Variants in ADAMTSL3 observed in about 807,000 individuals in gnomAD.
ADAMTSL3 encodes ADAMTS like 3.
In ADAMTSL3, 128 loss-of-function variants were observed where a neutral mutation model predicts 201.7. That is an observed-to-expected ratio of 0.63 (90% CI 0.55 to 0.73). The LOEUF is 0.73. ADAMTSL3 is among the 30% of genes least tolerant of loss of function. The pLI is 0.00. For synonymous variants in ADAMTSL3, 738 were observed against 748.4 expected (o/e 0.99, Z 0.23); for missense variants, 1,990 against 2,119.6 (o/e 0.94, Z 1.20).
intron 5 of ADAMTSL3, among the ~76,000 whole-genome samples, chr15:83,813,624 G>C (rs1335329687): frequency 6.6e-6 from 1 of 152,144 alleles, no homozygotes; most frequent in African/African-American, 2.4e-5. Flanking sequence ...TCAGACTTTG[G>C]TTCAGTGGCT....
chr15:83,960,894 A>G (rs1231652212), intron 19 of ADAMTSL3, among the ~76,000 whole-genome samples: 2 of 152,184 alleles, frequency 1.3e-5, no homozygotes, highest in Admixed American at 1.3e-4. Context: ...CTAGGGGGAA[A>G]AATCAAAAGG....
intron 6 of ADAMTSL3, among the ~76,000 whole-genome samples, chr15:83,825,880 G>A (rs1401817143): frequency 6.6e-6 from 1 of 152,062 alleles, no homozygotes; most frequent in Non-Finnish European, 1.5e-5. Context: ...CAGTGGAGGT[G>A]GGAAACCAAT....
chr15:83,840,022 C>T (rs144005056), intron 7 of ADAMTSL3, among the ~76,000 whole-genome samples: 93 of 151,910 alleles, frequency 6.1e-4, no homozygotes, highest in Middle Eastern at 3.4e-3. Context: ...TAGCAAAACC[C>T]CTTGTTGGTG....
At chr15:83,998,554 T>C (rs1221443374) in intron 23 of ADAMTSL3, among the ~76,000 whole-genome samples, 3 of 152,194 alleles carry the variant, frequency 2.0e-5, no homozygotes, top group African/African-American at 4.8e-5. Flanking sequence ...TAAAAGCTAA[T>C]GTTGAAGGTA....
chr15:83,982,229 T>A (rs1387910443), intron 20 of ADAMTSL3, 44 bp from the exon 21 acceptor site: 14 of 1,459,194 alleles, frequency 9.6e-6, no homozygotes, highest in Non-Finnish European at 1.2e-5. Context: ...ATTTTTGAGA[T>A]GTTTATTCGT....
chr15:83,923,211 AC>A (rs1326105155), intron 16 of ADAMTSL3, among the ~76,000 whole-genome samples: 2 of 152,164 alleles, frequency 1.3e-5, no homozygotes, highest in African/African-American at 4.8e-5. Context: ...GCTTGAATCT[AC>A]CACATTTTTG....
chr15:84,005,614 T>C (rs72748656), intron 23 of ADAMTSL3, among the ~76,000 whole-genome samples: 4,093 of 152,336 alleles, frequency 0.027, 81 homozygotes, highest in Non-Finnish European at 0.043. Context: ...TCATGAGATA[T>C]GTCTGGTGGC....
intron 2 of ADAMTSL3, among the ~76,000 whole-genome samples, chr15:83,695,154 G>GAT (rs2061663468): frequency 8.8e-6 from 1 of 113,896 alleles, no homozygotes; most frequent in Non-Finnish European, 1.9e-5. Context: ...GTAGGTATGT[G>GAT]TGTGTGTATG....
At chr15:83,959,295 G>A (rs2066914356) in intron 19 of ADAMTSL3, among the ~76,000 whole-genome samples, 1 of 152,112 alleles carries the variant, frequency 6.6e-6, no homozygotes, top group African/African-American at 2.4e-5. Context: ...TGGGCTTAAT[G>A]GCACACTCCT....
intron 20 of ADAMTSL3, among the ~76,000 whole-genome samples, chr15:83,972,020 T>A (rs113141183): frequency 3.3e-5 from 5 of 152,010 alleles, no homozygotes; most frequent in African/African-American, 1.2e-4. Context: ...AAGTTTTTTT[T>A]AAGTAGTGAC....
chr15:83,884,597 C>T (rs1426871469), intron 9 of ADAMTSL3, among the ~76,000 whole-genome samples: 1 of 152,038 alleles, frequency 6.6e-6, no homozygotes, highest in South Asian at 2.1e-4. Context: ...TAATTAGATA[C>T]TAGACTGTTT....
intron 6 of ADAMTSL3, among the ~76,000 whole-genome samples, chr15:83,834,594 G>C (rs914040052): frequency 1.3e-5 from 2 of 152,182 alleles, no homozygotes; most frequent in Admixed American, 6.5e-5. Flanking sequence ...TCTTTTAGCT[G>C]ATTAGGAAAT....
intron 3 of ADAMTSL3, among the ~76,000 whole-genome samples, chr15:83,731,250 G>A (rs952505598): frequency 1.3e-5 from 2 of 152,086 alleles, no homozygotes; most frequent in Non-Finnish European, 2.9e-5. Flanking sequence ...TAAAAAATGG[G>A]CAAATGGCAT....
At chr15:83,779,202 C>A (rs1396254330) in intron 4 of ADAMTSL3, among the ~76,000 whole-genome samples, 2 of 152,086 alleles carry the variant, frequency 1.3e-5, no homozygotes, top group Admixed American at 1.3e-4. Flanking sequence ...CTAGACAGAT[C>A]ATCAAGACAG....
At chr15:83,816,289 T>C (rs2063769761) in intron 5 of ADAMTSL3, among the ~76,000 whole-genome samples, 1 of 152,202 alleles carries the variant, frequency 6.6e-6, no homozygotes, top group Non-Finnish European at 1.5e-5. Context: ...TCCAGCTCTT[T>C]TGTTGCAATC....
intron 6 of ADAMTSL3, among the ~76,000 whole-genome samples, chr15:83,823,879 CCTTCTTCTTCTTCCT>C (rs1225807879): frequency 0.018 from 2,587 of 141,408 alleles, 210 homozygotes; most frequent in East Asian, 0.048. Context: ...GACTCCATTT[CCTTCTTCTTCTTCCT>C]CTTCTTCTTC....
chr15:84,029,132 A>G (rs574174524), intron 27 of ADAMTSL3, among the ~76,000 whole-genome samples: 1 of 152,352 alleles, frequency 6.6e-6, no homozygotes, highest in East Asian at 1.9e-4. Context: ...GGATGTTGCT[A>G]TAAAGATACC....
At chr15:83,684,815 C>T (rs889349079) in intron 2 of ADAMTSL3, among the ~76,000 whole-genome samples, 1 of 152,102 alleles carries the variant, frequency 6.6e-6, no homozygotes, top group Non-Finnish European at 1.5e-5. Context: ...ACAAACAATT[C>T]TATATATCTT....
At chr15:83,845,816 T>A (rs1021339347) in intron 7 of ADAMTSL3, among the ~76,000 whole-genome samples, 4 of 152,234 alleles carry the variant, frequency 2.6e-5, no homozygotes, top group African/African-American at 9.6e-5. Flanking sequence ...TTTCCTCTTA[T>A]CTCCCATGAA....
Sources: gnomAD v4.1 joint callset for allele counts (sites outside exome capture counted in the v4.1 genomes callset) on GRCh38, gnomAD v4.1.1 for gene constraint, MANE v1.5 for transcripts, NCBI Gene and HGNC (gene_info 2026-07-23, HGNC 2026-07-21) for gene names.